The following RAPGEF1 variants were observed in gnomAD, a reference collection of about 807,000 sequenced individuals.
RAPGEF1 encodes CRK SH3-binding GNRP.
A neutral mutation model predicts 143.3 loss-of-function variants in RAPGEF1; 33 were observed. The ratio of observed to expected loss-of-function variants is 0.23; its 90% CI spans 0.17 to 0.31. The LOEUF (loss-of-function observed/expected upper bound fraction) is 0.31. Ranked by LOEUF, RAPGEF1 falls within the 10% of genes least tolerant of loss-of-function variation. The pLI is 1.00. For synonymous variants in RAPGEF1, 629 were observed against 676.5 expected, an observed-to-expected ratio of 0.93 and a Z score of 1.09; for missense variants, 1,199 against 1,645.4, an observed-to-expected ratio of 0.73 and a Z score of 4.69.
chr9:131,623,175 T>G (rs996592585), intron 10 of RAPGEF1, among the ~76,000 whole-genome samples: 1 of 152,052 alleles, frequency 6.6e-6, no homozygotes, highest in Non-Finnish European at 1.5e-5. Flanking sequence ...CTAAAAAGAC[T>G]AAATATGACC....
chr9:131,655,009 CA>C lies in RAPGEF1; in HGVS notation c.62-4061del, dbSNP rs1029130633. Among the ~76,000 whole-genome samples the C allele has an allele frequency of 1.7e-4, 26 of 152,332 alleles. No homozygotes were observed. Among genetic ancestry groups the C allele is most frequent in the African/African-American group, 6.3e-4 (26 of 41,574 alleles). On this transcript the variant is annotated intron_variant, in intron 1 of 26. Transcript: ENST00000683357. This position sits in a 1 kb window ranked among gnomAD's most constrained non-coding sequence, Gnocchi z 4.1. ...TTTCCAGCAATTTAGTACAACAAAACAAACCAGAAAACCAAACAAAACAACC... is the reference window on the plus strand; with the variant it reads ...TTTCCAGCAATTTAGTACAACAAAACAACCAGAAAACCAAACAAAACAACC...
chr9:131,678,672 A>C (rs1832649817), intron 1 of RAPGEF1, among the ~76,000 whole-genome samples: 1 of 152,192 alleles, frequency 6.6e-6, no homozygotes, highest in Non-Finnish European at 1.5e-5. Context: ...AGAGCGGTTA[A>C]GTGCTGATGA....
intron 12 of RAPGEF1, among the ~76,000 whole-genome samples, chr9:131,611,397 T>C (rs1042871047): frequency 2.6e-5 from 4 of 152,224 alleles, no homozygotes; most frequent in Non-Finnish European, 4.4e-5. Context: ...AATGCGTTGC[T>C]TGGGAGAAGA....
At chr9:131,579,804 AC>A (rs1951581592) in intron 26 of RAPGEF1, among the ~76,000 whole-genome samples, 157 bp from the exon 27 acceptor site, 1 of 152,196 alleles carries the variant, frequency 6.6e-6, no homozygotes, top group Non-Finnish European at 1.5e-5. Flanking sequence ...CAGAGGGGAC[AC>A]CAGTGCTCAG....
At position 131,727,098 on chromosome 9, in the gene RAPGEF1, C is replaced by T. The variant is rs141612639; in HGVS notation, c.61+12672G>A. On this transcript the variant is annotated intron_variant, in intron 1 of 26. Transcript: ENST00000683357. ...CCTCACCCATAAGGGGAAGGTTCCC[C>T]CTTTTATCCATGCAGGTATTCCACC... Among the ~76,000 whole-genome samples the T allele has an allele frequency of 1.7e-3, 260 of 152,220 alleles. 1 individual carries two copies. Among genetic ancestry groups the T allele is most frequent in the African/African-American group, 5.9e-3 (245 of 41,534 alleles).
intron 3 of RAPGEF1, among the ~76,000 whole-genome samples, chr9:131,643,931 G>A (rs1169213825): frequency 2.0e-5 from 3 of 152,144 alleles, no homozygotes; most frequent in African/African-American, 7.2e-5. Context: ...TTCCCAGATT[G>A]TTCACCCCAC....
Position 131,602,088 on chromosome 9 carries a change from C to T in RAPGEF1, c.2474G>A (p.Gly825Glu), listed in dbSNP as rs1200605241. The T allele has an allele frequency of 7.5e-6, 12 of 1,604,294 alleles. No homozygotes were observed. The African/African-American group carries it at 1.5e-4, about 20-fold the overall frequency. ...CTCACTGCCGTCTCTGCTGTCCTTC[C>T]CAGGGACGCCGCTGACCGCTGAGGG... is the stretch of plus-strand genomic sequence containing the variant. ...RDPSAVSGVP[G>E]KDSRDGSERA... Residue 825 changes from glycine (G) to glutamate (E), a missense_variant, in exon 15 of 27, where the codon GGG becomes GAG. This residue lies in a region of RAPGEF1 where 293 missense variants were observed against 356.2 expected (regional missense o/e 0.82). Transcript: ENST00000683357.
In RAPGEF1 at chr9:131,628,732, G is replaced by T; in HGVS notation, c.894-60C>A. On this transcript the variant is annotated intron_variant, in intron 7 of 26. Coordinates refer to ENST00000683357, the MANE Select transcript of RAPGEF1 (RefSeq NM_001377935.1). The surrounding 1 kb of genome is among the most constrained non-coding windows in gnomAD (Gnocchi z 5.7). ...CACACTCACCAAAGCTCTTCAGCGT[G>T]ATATTGGGGTACAGGATGTGGGGTT... The T allele has an allele frequency of 6.5e-7, 1 of 1,529,342 alleles. No individual in the cohort carries two copies. The highest frequency in any genetic ancestry group is 1.3e-5 in the South Asian group (1 of 79,006). 94.7% of individuals were successfully genotyped at this position (1,529,342 alleles called of 1,614,324 possible).
intron 1 of RAPGEF1, among the ~76,000 whole-genome samples, chr9:131,702,989 C>T (rs972184585): frequency 1.6e-4 from 24 of 152,170 alleles, no homozygotes; most frequent in African/African-American, 5.6e-4. Context: ...ATGGCACTGA[C>T]TAACACTTTT....
At chr9:131,582,740 A>G (rs1952063813) in intron 24 of RAPGEF1, 38 bp from the exon 25 acceptor site, 1 of 1,520,586 alleles carries the variant, frequency 6.6e-7, no homozygotes, top group Admixed American at 2.2e-5. Context: ...GACAGGGGTG[A>G]GCGAGTGCTG....
chr9:131,602,907 G>A (rs1315561938), intron 14 of RAPGEF1, among the ~76,000 whole-genome samples: 1 of 152,214 alleles, frequency 6.6e-6, no homozygotes, highest in East Asian at 1.9e-4. Context: ...AGTGCTTCAA[G>A]GCAAGGAGCC....
intron 1 of RAPGEF1, among the ~76,000 whole-genome samples, chr9:131,733,365 C>T (rs1019365236): frequency 1.7e-4 from 13 of 75,284 alleles, no homozygotes; most frequent in Non-Finnish European, 2.6e-5. Flanking sequence ...GGGGCGGGGG[C>T]GGGGGGGGGG....
intron 22 of RAPGEF1, among the ~76,000 whole-genome samples, chr9:131,586,353 AACAC>A (rs1275737322): frequency 8.0e-5 from 4 of 50,212 alleles, no homozygotes; most frequent in South Asian, 6.2e-4. Flanking sequence ...CTCCGTCTCA[AACAC>A]ACACACACAC....
intron 12 of RAPGEF1, among the ~76,000 whole-genome samples, chr9:131,607,644 G>A (rs1957324601): frequency 6.6e-6 from 1 of 152,036 alleles, no homozygotes; most frequent in Non-Finnish European, 1.5e-5. Context: ...ATCTTTTGTA[G>A]CCCCAATTCT....
In RAPGEF1 at chr9:131,589,918, G is replaced by C; in HGVS notation, c.2835C>G (p.Phe945Leu). 1 of 1,613,918 alleles carries C rather than the reference G, an allele frequency of 6.2e-7. No homozygotes were observed. The highest frequency in any genetic ancestry group is 8.5e-7 in the Non-Finnish European group (1 of 1,179,838). Residue 945 changes from phenylalanine (F) to leucine (L), a missense_variant, in exon 19 of 27, where the codon TTC (phenylalanine) becomes TTG (leucine). Around this residue, in one of 6 missense-constraint regions of RAPGEF1, gnomAD observed 209 missense variants for 403.0 expected, o/e 0.52. Coordinates refer to ENST00000683357, the MANE Select transcript of RAPGEF1 (RefSeq NM_001377935.1). The part of the protein sequence containing the change: ...TFKKRVSKNT[F>L]FVLVRVVDEL... ...CATCCACCACCCGTACCAGCACGAA[G>C]AACGTGTTCTTGCTGACGCGCTTCT...
intron 1 of RAPGEF1, among the ~76,000 whole-genome samples, chr9:131,654,894 C>T (rs1405064581): frequency 6.6e-6 from 1 of 152,138 alleles, no homozygotes; most frequent in Admixed American, 6.5e-5. Flanking sequence ...TTGAAATTGG[C>T]TGAAAATTAA....
At chr9:131,729,767 C>G (rs1169457375) in intron 1 of RAPGEF1, among the ~76,000 whole-genome samples, 1 of 152,182 alleles carries the variant, frequency 6.6e-6, no homozygotes, top group Non-Finnish European at 1.5e-5. Flanking sequence ...TTTATAAGAA[C>G]AGAATTAATT....
chr9:131,682,483 C>T (rs187316598), intron 1 of RAPGEF1, among the ~76,000 whole-genome samples: 1 of 152,126 alleles, frequency 6.6e-6, no homozygotes, highest in African/African-American at 2.4e-5. Context: ...GTCTGTGGAC[C>T]CTTGCCAGTG....
At chr9:131,688,492 C>T (rs997529774) in intron 1 of RAPGEF1, among the ~76,000 whole-genome samples, 1 of 152,214 alleles carries the variant, frequency 6.6e-6, no homozygotes, top group African/African-American at 2.4e-5. Flanking sequence ...CAAGGGCCTA[C>T]ATTTCTGGCA....
Sources: allele counts gnomAD v4.1 joint callset (sites outside exome capture counted in the v4.1 genomes callset), GRCh38; gene constraint gnomAD v4.1.1; regional missense constraint gnomAD v4.1.1; non-coding constraint Gnocchi (gnomAD v3.1); transcripts MANE v1.5; gene names NCBI Gene and HGNC (gene_info 2026-07-23, HGNC 2026-07-21).